Variants in SCN3A observed in about 807,000 individuals in gnomAD.
SCN3A encodes the protein sodium channel protein type 3 subunit alpha.
A neutral mutation model predicts 187.6 loss-of-function variants in SCN3A; 60 were observed. The ratio of observed to expected loss-of-function variants is 0.32; its 90% CI spans 0.26 to 0.40. The LOEUF (loss-of-function observed/expected upper bound fraction) is 0.40, where lower values mean the gene tolerates loss of function less well. Ranked by LOEUF, SCN3A falls within the 10% of genes least tolerant of loss-of-function variation. The pLI, the probability that SCN3A is intolerant of heterozygous loss-of-function variation, is 1.00. For synonymous variants in SCN3A, 788 were observed against 829.2 expected, an observed-to-expected ratio of 0.95 and a Z score of 0.85; for missense variants, 1,601 against 2,428.2, an observed-to-expected ratio of 0.66 and a Z score of 7.16.
At chr2:165,163,815 AAT>A in intron 6 of SCN3A, 106 bp from the exon 7 acceptor site, 1 of 1,613,900 alleles carries the variant, frequency 6.2e-7, no homozygotes, top group Non-Finnish European at 8.5e-7. Context: ...GAATTACAGA[AAT>A]AGTTTTCAGA....
At chr2:165,096,803 G>A (rs2105646071) in intron 23 of SCN3A, among the ~76,000 whole-genome samples, 1 of 152,098 alleles carries the variant, frequency 6.6e-6, no homozygotes, top group Non-Finnish European at 1.5e-5. Flanking sequence ...TCCCTTATAT[G>A]TTAAAGTGTA....
In SCN3A at chr2:165,092,707, G is replaced by T; in HGVS notation, c.4537-183C>A. On this transcript the variant is annotated intron_variant, in intron 26 of 27. Transcript: ENST00000283254. This position sits in a 1 kb window ranked among gnomAD's most constrained non-coding sequence, Gnocchi z 4.2. The stretch of plus-strand genomic sequence containing the variant: ...AAAAAATGGAAAAAAAATTTATATA[G>T]CTAAACAAAGCATATTTGGTTTATA... The T allele has an allele frequency of 1.6e-6, 1 of 612,478 alleles. No individual in the cohort carries two copies. 37.9% of individuals were successfully genotyped at this position (612,478 alleles called of 1,614,324 possible).
chr2:165,146,660 AG>A, intron 12 of SCN3A, 78 bp downstream of exon 12: 1 of 1,506,042 alleles, frequency 6.6e-7, no homozygotes, highest in Non-Finnish European at 9.2e-7. Flanking sequence ...ATAGTACAAA[AG>A]TGTACCAAAA....
In SCN3A at chr2:165,099,189, A is replaced by G. The variant is rs186549934; in HGVS notation, c.3966+1113T>C. On this transcript the variant is annotated intron_variant, in intron 22 of 27. Transcript: ENST00000283254. ...CCTAACATCCTAACATGAAAGCCCTATCACCTAGACTAAATTAAATATCCA... is the reference window on the plus strand; with the variant it reads ...CCTAACATCCTAACATGAAAGCCCTGTCACCTAGACTAAATTAAATATCCA... Among the ~76,000 whole-genome samples the G allele has an allele frequency of 1.3e-4, 20 of 152,292 alleles. No individual in the cohort carries two copies. In the East Asian group the frequency reaches 3.9e-3, roughly 29 times the overall value.
At chr2:165,122,984 G>A (rs1003336917) in intron 18 of SCN3A, 2 of 152,098 alleles carry the variant, frequency 1.3e-5, no homozygotes, top group African/African-American at 4.8e-5. Flanking sequence ...AAATATGATT[G>A]TTAAAAGCAT....
chr2:165,169,571 GATAA>G (rs35690085), intron 4 of SCN3A, among the ~76,000 whole-genome samples: 33,880 of 151,438 alleles, frequency 0.22, 4,936 homozygotes, highest in East Asian at 0.52. Flanking sequence ...ATTATTTTGA[GATAA>G]ATATTTTATT....
At chr2:165,198,844 A>C (rs1359467208) in intron 1 of SCN3A, among the ~76,000 whole-genome samples, 1 of 151,968 alleles carries the variant, frequency 6.6e-6, no homozygotes, top group Non-Finnish European at 1.5e-5. Context: ...AATAAAAACA[A>C]CTTATATGGA....
intron 2 of SCN3A, among the ~76,000 whole-genome samples, chr2:165,177,205 C>T (rs1216103277): frequency 6.6e-6 from 1 of 152,148 alleles, no homozygotes; most frequent in African/African-American, 2.4e-5. Context: ...TTCAATTATT[C>T]CAAGACAATT....
intron 27 of SCN3A, among the ~76,000 whole-genome samples, chr2:165,091,618 A>G (rs1314888674): frequency 6.6e-6 from 1 of 152,196 alleles, no homozygotes; most frequent in African/African-American, 2.4e-5. Context: ...ATTTATATGA[A>G]TTGTTATCCC....
In SCN3A at chr2:165,182,664, A is replaced by T. The variant is rs936287095; in HGVS notation, c.-51+3887T>A. On this transcript the variant is annotated intron_variant, in intron 2 of 27. Transcript: ENST00000283254. ...CAGCTTAAGCCACAAATCGACATTA[A>T]CCCAAATAGAGAAATGGAGGTTTGT... Among the ~76,000 whole-genome samples the T allele has an allele frequency of 2.1e-5, 3 of 139,732 alleles. No individual in the cohort carries two copies. In the Admixed American group the frequency reaches 2.2e-4, roughly 10 times the overall value. 91.7% of individuals were successfully genotyped at this position (139,732 alleles called of 152,430 possible).
intron 17 of SCN3A, 91 bp downstream of exon 17, chr2:165,129,849 T>C (rs1009548551): frequency 2.6e-6 from 4 of 1,515,044 alleles, no homozygotes; most frequent in Admixed American, 1.7e-5. Context: ...CCACTTACTA[T>C]AAACCAGAGA....
rs551692149 is a variant in SCN3A at position 165,153,336 on chromosome 2, TAAG to T, written c.1380+1113_1380+1115del. 1.5e-3 allele frequency among the ~76,000 whole-genome samples: 228 copies of T among 152,212 alleles called. 1 individual carries two copies. The highest frequency in any genetic ancestry group is 3.3e-3 in the Admixed American group (51 of 15,292). The stretch of plus-strand genomic sequence containing the variant: ...CTAAATATAAAGCATAAAACTAACT[TAAG>T]AAGAAAATTTAGAAGAAAATACTCA... On this transcript the variant is annotated intron_variant, in intron 11 of 27. Coordinates refer to ENST00000283254, the MANE Select transcript of SCN3A (RefSeq NM_006922.4).
At position 165,168,603 on chromosome 2, in the gene SCN3A, TA is replaced by T. The variant is rs1689922452; in HGVS notation, c.473+132del. 4 of 722,990 alleles carry T rather than the reference TA, an allele frequency of 5.5e-6. No individual in the cohort carries two copies. In the Admixed American group the frequency reaches 8.2e-5, roughly 15 times the overall value. 44.8% of individuals were successfully genotyped at this position (722,990 alleles called of 1,614,324 possible). ...AATAGCTCCCCCAAAGAACTTCCCT[TA>T]TCTTCTTTCATATTATGAAAATAAC... On this transcript the variant is annotated intron_variant, in intron 5 of 27. Coordinates refer to ENST00000283254, the MANE Select transcript of SCN3A (RefSeq NM_006922.4).
intron 1 of SCN3A, among the ~76,000 whole-genome samples, chr2:165,196,191 A>AT (rs201666917): frequency 0.099 from 14,767 of 148,822 alleles, 774 homozygotes; most frequent in African/African-American, 0.11. Flanking sequence ...TAAAGGTTGG[A>AT]TTTTTTTTTT....
intron 2 of SCN3A, among the ~76,000 whole-genome samples, chr2:165,184,732 C>T (rs1432503459): frequency 1.3e-5 from 2 of 152,092 alleles, no homozygotes; most frequent in Admixed American, 1.3e-4. Flanking sequence ...ATAAAACCCA[C>T]GTCTACTTTC....
At chr2:165,103,570 G>A (rs960271611) in intron 21 of SCN3A, among the ~76,000 whole-genome samples, 2 of 152,088 alleles carry the variant, frequency 1.3e-5, no homozygotes, top group Admixed American at 6.6e-5. Context: ...GTAAATAAAT[G>A]GAAATGTCTG....
intron 21 of SCN3A, among the ~76,000 whole-genome samples, chr2:165,102,819 T>C (rs995554821): frequency 2.0e-5 from 3 of 152,158 alleles, no homozygotes; most frequent in Admixed American, 6.6e-5. Context: ...GGAGAGATCA[T>C]AAAAAACTAC....
At chr2:165,195,189 T>C (rs965293837) in intron 1 of SCN3A, 2 of 152,188 alleles carry the variant, frequency 1.3e-5, no homozygotes, top group African/African-American at 4.8e-5. Context: ...CTCCAGAGGA[T>C]AGAGGACCTG....
chr2:165,175,211 A>G (rs1690376350), intron 3 of SCN3A, among the ~76,000 whole-genome samples: 1 of 152,212 alleles, frequency 6.6e-6, no homozygotes, highest in Non-Finnish European at 1.5e-5. Context: ...TCATCAACTC[A>G]TGGTGATACT....
Sources: gnomAD v4.1 joint callset for allele counts (sites outside exome capture counted in the v4.1 genomes callset) on GRCh38, gnomAD v4.1.1 for gene constraint, Gnocchi (gnomAD v3.1) non-coding constraint, MANE v1.5 for transcripts, NCBI Gene and HGNC (gene_info 2026-07-23, HGNC 2026-07-21) for gene names.